Variants in PWWP3B observed in about 807,000 individuals in gnomAD.
The protein encoded by PWWP3B is PWWP domain containing 3B.
A neutral mutation model predicts 15.7 loss-of-function variants in PWWP3B; 5 were observed. That is an observed-to-expected ratio of 0.32 (90% confidence interval 0.17 to 0.67). The LOEUF is 0.67. PWWP3B is among the 30% of genes least tolerant of loss of function. The pLI is 0.74. For synonymous variants in PWWP3B, 203 were observed against 179.8 expected (o/e 1.13, Z -1.03); for missense variants, 519 against 493.1 (o/e 1.05, Z -0.50).
At position 106,207,098 on chromosome X, in the gene PWWP3B, C is replaced by G; in HGVS notation, c.1666C>G (p.Leu556Val). The change falls in exon 4 of 4, where the codon CTG becomes GTG. Residue 556 changes from leucine (L) to valine (V), a missense_variant. Leu to Val is a conservative substitution (Grantham distance 32). Transcript: ENST00000357175. ...KAARDRANKN[L>V]VDFIVNAKGT... ...TGCTCGGGACCGAGCCAACAAGAAC[C>G]TGGTGGACTTCATTGTGAATGCAAA... The G allele has an allele frequency of 8.3e-7, 1 of 1,207,015 alleles. No individual in the cohort carries two copies. Among genetic ancestry groups the G allele is most frequent in the Non-Finnish European group, 1.1e-6 (1 of 892,871 alleles).
intron 2 of PWWP3B, among the ~76,000 whole-genome samples, chrX:106,180,455 C>T (rs902488336): frequency 1.8e-5 from 2 of 111,825 alleles, no homozygotes; most frequent in Non-Finnish European, 3.8e-5. Context: ...TCTTCCTACT[C>T]CTTTGAGAGA....
intron 2 of PWWP3B, among the ~76,000 whole-genome samples, chrX:106,175,765 A>G (rs752705709): frequency 1.8e-5 from 2 of 111,764 alleles, no homozygotes; most frequent in South Asian, 3.8e-4. Context: ...CTGGATCTCT[A>G]TTAGTTGTAT....
In PWWP3B at chrX:106,206,273, G is replaced by A; in HGVS notation, c.841G>A (p.Asp281Asn). Residue 281 changes from aspartate to asparagine, a missense_variant, in exon 4 of 4, where the codon GAT becomes AAT. By Grantham distance (23) the Asp-to-Asn change is conservative. Coordinates refer to ENST00000357175, the MANE Select transcript of PWWP3B (RefSeq NM_001171020.2). ...CTCTGCTTTCTCAGAGAATATTGAG[G>A]ATCCTGGAGAGGGTCCCTCAAATCC... ...ECSAFSENIEDPGEGPSNPCL... is the reference protein window; with the variant it reads ...ECSAFSENIENPGEGPSNPCL... The A allele has an allele frequency of 8.3e-7, 1 of 1,205,527 alleles. No homozygotes were observed. The highest frequency in any genetic ancestry group is 1.1e-6 in the Non-Finnish European group (1 of 891,925).
At position 106,184,650 on chromosome X, in the gene PWWP3B, C is replaced by T. The variant is rs1319985008; in HGVS notation, c.-401+13511C>T. On this transcript the variant is annotated intron_variant, in intron 2 of 3. Coordinates refer to ENST00000357175, the MANE Select transcript of PWWP3B (RefSeq NM_001171020.2). ...AAACTGCATTGTTTTCATTAAAGGC[C>T]AGGGTTTGATCTAACAATAGCATGA... Among the ~76,000 whole-genome samples the T allele has an allele frequency of 2.7e-5, 3 of 111,958 alleles. No individual in the cohort carries two copies. The East Asian group carries it at 8.4e-4, about 32-fold the overall frequency.
At position 106,205,612 on chromosome X, in the gene PWWP3B, A is replaced by G; in HGVS notation, c.180A>G (p.Lys60=). The G allele has an allele frequency of 8.3e-7, 1 of 1,209,166 alleles. No homozygotes were observed. The highest frequency in any genetic ancestry group is 1.1e-6 in the Non-Finnish European group (1 of 894,379). Residue 60 remains lysine, a synonymous_variant, in exon 4 of 4, where the codon AAA becomes AAG. Coordinates refer to ENST00000357175, the MANE Select transcript of PWWP3B (RefSeq NM_001171020.2). ...LDSTETKILN[K]SQIEAIAASL... The stretch of plus-strand genomic sequence containing the variant: ...GCACAGAAACAAAGATCCTAAATAA[A>G]TCTCAAATTGAAGCCATTGCTGCCT...
intron 2 of PWWP3B, among the ~76,000 whole-genome samples, chrX:106,193,478 C>T (rs886469533): frequency 4.5e-5 from 5 of 111,800 alleles, no homozygotes; most frequent in African/African-American, 6.5e-5. Flanking sequence ...ACTGATGGAT[C>T]TTGACTCTTT....
chrX:106,178,725 A>G (rs1249213301), intron 2 of PWWP3B, among the ~76,000 whole-genome samples: 2 of 112,282 alleles, frequency 1.8e-5, no homozygotes, highest in Non-Finnish European at 3.7e-5. Flanking sequence ...AAGCAGGACA[A>G]AAAGCTGATT....
chrX:106,198,948 T>C (rs1048392959), intron 2 of PWWP3B, among the ~76,000 whole-genome samples: 3 of 111,063 alleles, frequency 2.7e-5, no homozygotes, highest in South Asian at 3.7e-4. Context: ...AATAAAGCCA[T>C]ATATATATTG....
At chrX:106,171,673 C>G (rs1468458296) in intron 2 of PWWP3B, among the ~76,000 whole-genome samples, 1 of 103,920 alleles carries the variant, frequency 9.6e-6, no homozygotes, top group Non-Finnish European at 2.1e-5. Flanking sequence ...CTACTACACA[C>G]TTAGGCTATA....
chrX:106,205,809 C>T lies in PWWP3B; in HGVS notation c.377C>T (p.Ser126Phe), dbSNP rs769057204. 4 of 1,209,195 alleles carry T rather than the reference C, an allele frequency of 3.3e-6. No individual in the cohort carries two copies. The highest frequency in any genetic ancestry group is 4.5e-6 in the Non-Finnish European group (4 of 894,962). ...MLSQNVPQKQ[S>F]DSPPHKKYRK... ...TCTCAAAATGTACCACAAAAACAGTCCGATTCACCCCCTCATAAAAAATAC... is the reference window on the plus strand; with the variant it reads ...TCTCAAAATGTACCACAAAAACAGTTCGATTCACCCCCTCATAAAAAATAC... Residue 126 changes from serine (S) to phenylalanine (F), a missense_variant, in exon 4 of 4, where the codon TCC becomes TTC. Transcript: ENST00000357175.
rs1402531692 is a variant in PWWP3B at position 106,206,667 on chromosome X, G to A, written c.1235G>A (p.Ser412Asn). 1 of 1,210,041 alleles carries A rather than the reference G, an allele frequency of 8.3e-7. No individual in the cohort carries two copies. Among genetic ancestry groups the A allele is most frequent in the East Asian group, 3.0e-5 (1 of 33,817 alleles). ...CCATTTTGGCCAGCAGTGATAAAAA[G>A]TATCAGACGAAAAGAGAGGAAAGCA... ...KYPFWPAVIK[S>N]IRRKERKASV... The change falls in exon 4 of 4, where the codon AGT becomes AAT. Residue 412 changes from serine (S) to asparagine (N), a missense_variant. Coordinates refer to ENST00000357175, the MANE Select transcript of PWWP3B (RefSeq NM_001171020.2).
chrX:106,197,983 G>A (rs1468934576), intron 2 of PWWP3B, among the ~76,000 whole-genome samples: 2 of 111,825 alleles, frequency 1.8e-5, no homozygotes, highest in African/African-American at 6.5e-5. Context: ...TTGTTATTAA[G>A]TATGCTTTAG....
chrX:106,189,731 C>T (rs1386234164), intron 2 of PWWP3B, among the ~76,000 whole-genome samples: 1 of 107,952 alleles, frequency 9.3e-6, no homozygotes, highest in African/African-American at 3.4e-5. Context: ...CATTCTCCTG[C>T]CTCAGCCTCC....
chrX:106,181,137 A>C (rs1289474031), intron 2 of PWWP3B, among the ~76,000 whole-genome samples: 1 of 111,872 alleles, frequency 8.9e-6, no homozygotes, highest in Non-Finnish European at 1.9e-5. Context: ...GGTCTCGCTG[A>C]CTTCAAGAAT....
In PWWP3B at chrX:106,206,590, G is replaced by C. The variant is rs1425755419; in HGVS notation, c.1158G>C (p.Glu386Asp). 8.3e-7 allele frequency: 1 copy of C among 1,210,205 alleles called. No individual in the cohort carries two copies. The highest frequency in any genetic ancestry group is 3.0e-5 in the East Asian group (1 of 33,821). The change falls in exon 4 of 4, where the codon GAG becomes GAC. Residue 386 changes from glutamate to aspartate, a missense_variant. Glu to Asp is a conservative substitution (Grantham distance 45, BLOSUM62 2). Transcript: ENST00000357175. ...TTCCACGCTTCATTTTACATTATGAGACACATCCGTTTGAAACAGGAATGA... is the reference window on the plus strand; with the variant it reads ...TTCCACGCTTCATTTTACATTATGACACACATCCGTTTGAAACAGGAATGA... Reference protein sequence around the residue: ...EELPRFILHYETHPFETGMIV... With the variant: ...EELPRFILHYDTHPFETGMIV...
Position 106,207,776 on chromosome X carries a change from C to G in PWWP3B, c.*253C>G, listed in dbSNP as rs1924131202. On this transcript the variant is annotated 3_prime_UTR_variant, in exon 4 of 4. Transcript: ENST00000357175. ...CGTACATTTTTTAGAAAGCATAATT[C>G]CTAAATGATTTTGAAGGGAAAGTAC... 1 of 283,762 alleles carries G rather than the reference C, an allele frequency of 3.5e-6. No individual in the cohort carries two copies. Among genetic ancestry groups the G allele is most frequent in the Admixed American group, 5.8e-5 (1 of 17,137 alleles). The allele number at this position is 283,762 out of a possible 1,213,427, so 23.4% of individuals were successfully genotyped here.
rs2147644512 is a variant in PWWP3B at position 106,207,293 on chromosome X, G to C, written c.1861G>C (p.Asp621His). 2 of 1,209,284 alleles carry C rather than the reference G, an allele frequency of 1.7e-6. No individual in the cohort carries two copies. The highest frequency in any genetic ancestry group is 5.9e-5 in the East Asian group (2 of 33,818). Residue 621 changes from aspartate to histidine, a missense_variant, in exon 4 of 4, where the codon GAT becomes CAT. Coordinates refer to ENST00000357175, the MANE Select transcript of PWWP3B (RefSeq NM_001171020.2). ...TTTACAAGAAGTCTGCAATCAAATA[G>C]ATCAAATAATGCCAACTTGGATAAA... Reference protein sequence around the residue: ...KYLQEVCNQIDQIMPTWIKDD... With the variant: ...KYLQEVCNQIHQIMPTWIKDD...
At chrX:106,174,995 C>A (rs1451101940) in intron 2 of PWWP3B, among the ~76,000 whole-genome samples, 2 of 101,395 alleles carry the variant, frequency 2.0e-5, no homozygotes. Context: ...GAGCTGAGAT[C>A]GTGCCACTGC....
At chrX:106,180,163 T>A (rs1404166158) in intron 2 of PWWP3B, among the ~76,000 whole-genome samples, 1 of 111,206 alleles carries the variant, frequency 9.0e-6, no homozygotes, top group African/African-American at 3.3e-5. Context: ...AGAATTCCCC[T>A]AGAATAAGCC....
Sources: gnomAD v4.1 joint callset for allele counts (sites outside exome capture counted in the v4.1 genomes callset) on GRCh38, gnomAD v4.1.1 for gene constraint, MANE v1.5 for transcripts, NCBI Gene and HGNC (gene_info 2026-07-23, HGNC 2026-07-21) for gene names.